Variants in SNX25 observed in about 807,000 individuals in gnomAD.
SNX25 encodes sorting nexin 25, also known as sorting nexin-25.
A neutral mutation model predicts 113.7 loss-of-function variants in SNX25; 62 were observed. That is an observed-to-expected ratio of 0.55 (90% CI 0.44 to 0.67). The LOEUF (loss-of-function observed/expected upper bound fraction) is 0.67. Ranked by LOEUF, SNX25 falls within the 30% of genes least tolerant of loss-of-function variation. SNX25 has a pLI of 0.00. For missense variants in SNX25, 1,014 were observed against 1,161.0 expected, an observed-to-expected ratio of 0.87 and a Z score of 1.84; for synonymous variants, 421 against 436.2, an observed-to-expected ratio of 0.97 and a Z score of 0.43.
intron 1 of SNX25, among the ~76,000 whole-genome samples, chr4:185,236,980 A>G (rs543409411): frequency 1.8e-4 from 28 of 152,302 alleles, no homozygotes; most frequent in South Asian, 1.7e-3. Context: ...CCTTACATCT[A>G]TAATAGAGAA....
At chr4:185,220,851 T>C (rs181236771) in intron 1 of SNX25, among the ~76,000 whole-genome samples, 1 of 152,148 alleles carries the variant, frequency 6.6e-6, no homozygotes, top group Admixed American at 6.5e-5. Context: ...CTTTTACCTC[T>C]TTTGTTAATT....
intron 4 of SNX25, among the ~76,000 whole-genome samples, chr4:185,265,415 G>C (rs1338534989): frequency 1.3e-5 from 2 of 152,166 alleles, no homozygotes; most frequent in Admixed American, 1.3e-4. Flanking sequence ...AATGATATTT[G>C]TGTATCTAAG....
intron 8 of SNX25, among the ~76,000 whole-genome samples, chr4:185,322,592 A>G (rs1367285596): frequency 2.0e-5 from 3 of 152,164 alleles, no homozygotes; most frequent in Admixed American, 6.5e-5. Flanking sequence ...TTTATTGTTA[A>G]TTTACAAGCC....
At chr4:185,233,056 G>T (rs1465428838) in intron 1 of SNX25, among the ~76,000 whole-genome samples, 1 of 152,152 alleles carries the variant, frequency 6.6e-6, no homozygotes, top group Non-Finnish European at 1.5e-5. Context: ...GGCTGAGGCG[G>T]GTGGATCACC....
chr4:185,375,487 A>AAAAAAAAAAAATATATATAT, the SNX25 span: 1 of 12,018 alleles, frequency 8.3e-5, no homozygotes, highest in Non-Finnish European at 1.5e-4. Flanking sequence ...AAAAAAAAAA[A>AAAAAAAAAAAATATATATAT]ATATATATAT....
intron 2 of SNX25, among the ~76,000 whole-genome samples, chr4:185,253,501 T>C (rs1745969580): frequency 1.3e-5 from 2 of 151,678 alleles, no homozygotes; most frequent in South Asian, 4.2e-4. Context: ...CGAGTCTTAC[T>C]CTGTTGCCCA....
At position 185,340,377 on chromosome 4, in the gene SNX25, A is replaced by G. The variant is rs79358684; in HGVS notation, c.2046+867A>G. Reference sequence around the variant, plus strand: ...TCTCCAAGACCTACCCTGAAGGGACACACAGTACATGAGGGCCTAACCAGG... The same window carrying G: ...TCTCCAAGACCTACCCTGAAGGGACGCACAGTACATGAGGGCCTAACCAGG... On this transcript the variant is annotated intron_variant, in intron 11 of 18. Transcript: ENST00000652585. 6.2e-3 allele frequency among the ~76,000 whole-genome samples: 941 copies of G among 152,310 alleles called. 15 individuals are homozygous for G. Among genetic ancestry groups the G allele is most frequent in the South Asian group, 0.049 (237 of 4,826 alleles).
chr4:185,310,535 G>T, intron 6 of SNX25, 100 bp from the exon 7 acceptor site: 3 of 932,936 alleles, frequency 3.2e-6, no homozygotes, highest in South Asian at 2.5e-5. Context: ...GTATCCACTT[G>T]GTTCAGAATG....
chr4:185,244,937 A>C (rs1251672486), intron 1 of SNX25, among the ~76,000 whole-genome samples: 1 of 152,114 alleles, frequency 6.6e-6, no homozygotes, highest in Non-Finnish European at 1.5e-5. Flanking sequence ...CCATGAGACT[A>C]ATCAAGGACT....
At chr4:185,294,871 T>C (rs1165322079) in intron 6 of SNX25, among the ~76,000 whole-genome samples, 1 of 152,100 alleles carries the variant, frequency 6.6e-6, no homozygotes, top group Non-Finnish European at 1.5e-5. Context: ...CTCGTTGTCC[T>C]TACTTTTTCT....
At chr4:185,338,276 G>T (rs867609631) in intron 10 of SNX25, among the ~76,000 whole-genome samples, 8 of 140,370 alleles carry the variant, frequency 5.7e-5, no homozygotes, top group African/African-American at 2.3e-4. Context: ...TATATTCTGT[G>T]TGTTTTTTTT....
chr4:185,366,140 G>C (rs538071234), downstream of SNX25: 52 of 152,300 alleles, frequency 3.4e-4, no homozygotes, highest in Admixed American at 1.0e-3. Context: ...ATGTATATTT[G>C]TTTCACAAAT....
chr4:185,233,170 G>A, intron 1 of SNX25, among the ~76,000 whole-genome samples: 1 of 152,120 alleles, frequency 6.6e-6, no homozygotes, highest in African/African-American at 2.4e-5. Context: ...TGTAGTCCCA[G>A]CTATTTGGGA....
At chr4:185,372,795 C>T (rs757346016), downstream of SNX25, 5 of 1,389,864 alleles carry the variant, frequency 3.6e-6, no homozygotes, top group Non-Finnish European at 3.0e-6. Context: ...TTCTGTTTCT[C>T]ATAAATTACC....
chr4:185,276,378 T>C (rs910427658), intron 5 of SNX25, among the ~76,000 whole-genome samples: 1 of 152,176 alleles, frequency 6.6e-6, no homozygotes, highest in African/African-American at 2.4e-5. Context: ...TCAACTGGAG[T>C]GCAATATTTA....
chr4:185,298,093 CT>C (rs6148841), intron 6 of SNX25, among the ~76,000 whole-genome samples: 102 of 137,016 alleles, frequency 7.4e-4, no homozygotes, highest in Admixed American at 1.1e-3. Flanking sequence ...ATAGTAACTT[CT>C]TTTTTTTTTT....
intron 7 of SNX25, among the ~76,000 whole-genome samples, chr4:185,311,423 C>T (rs969222208): frequency 6.6e-6 from 1 of 152,148 alleles, no homozygotes; most frequent in African/African-American, 2.4e-5. Flanking sequence ...AACCAAATCA[C>T]GGAGCTTAGG....
chr4:185,221,815 G>A (rs138684819), intron 1 of SNX25, among the ~76,000 whole-genome samples: 167 of 152,088 alleles, frequency 1.1e-3, no homozygotes, highest in African/African-American at 3.9e-3. Context: ...GCATGCTGCT[G>A]CCCCCTTTAT....
At chr4:185,264,728 A>G in intron 4 of SNX25, 118 bp downstream of exon 4, 1 of 1,111,608 alleles carries the variant, frequency 9.0e-7, no homozygotes, top group Non-Finnish European at 1.3e-6. Context: ...TCTTGTTTAT[A>G]TGTCTCTAAA....
Sources: gnomAD v4.1 joint callset for allele counts (sites outside exome capture counted in the v4.1 genomes callset) on GRCh38, gnomAD v4.1.1 for gene constraint, MANE v1.5 for transcripts, NCBI Gene and HGNC (gene_info 2026-07-23, HGNC 2026-07-21) for gene names.